Variants in KLHL30 observed in about 807,000 individuals in gnomAD.
The protein encoded by KLHL30 is kelch like family member 30, also known as kelch-like protein 30.
KLHL30 carries 55 observed loss-of-function variants against 55.0 expected under a neutral mutation model. That is an observed-to-expected ratio of 1.00 (90% CI 0.80 to 1.25). The LOEUF (loss-of-function observed/expected upper bound fraction) is 1.25, where lower values mean the gene tolerates loss of function less well. Ranked by LOEUF, KLHL30 falls within the 50% of genes most tolerant of loss-of-function variation. The pLI, the probability that KLHL30 is intolerant of heterozygous loss-of-function variation, is 0.00. For missense variants in KLHL30, 786 were observed against 811.6 expected (o/e 0.97, Z 0.38); for synonymous variants, 356 against 372.6 (o/e 0.96, Z 0.51).
chr2:238,141,237 C>T lies in KLHL30; in HGVS notation c.483C>T (p.Asn161=). The T allele has an allele frequency of 1.9e-6, 3 of 1,608,626 alleles. No homozygotes were observed. The highest frequency in any genetic ancestry group is 1.7e-6 in the Non-Finnish European group (2 of 1,179,632). Residue 161 remains asparagine (N), a synonymous_variant, in exon 2 of 8, where the codon AAC becomes AAT. Coordinates refer to ENST00000409223, the MANE Select transcript of KLHL30 (RefSeq NM_198582.4). ...AGGCCTGGGCCTTCCTGCGAGAGAA[C>T]TTTGAGGCTGTGGCACGTGAGGACG... ...AAKAWAFLRE[N]FEAVAREDEF...
chr2:238,140,557 A>T, intron 1 of KLHL30, 128 bp from the exon 2 acceptor site: 1 of 557,406 alleles, frequency 1.8e-6, no homozygotes, highest in Non-Finnish European at 3.1e-6. Context: ...GGGTAAAGTG[A>T]CTGGCATATG....
intron 4 of KLHL30, 139 bp from the exon 5 acceptor site, chr2:238,145,538 A>G: frequency 1.1e-6 from 1 of 946,348 alleles, no homozygotes; most frequent in Non-Finnish European, 1.6e-6. Context: ...CGGCTGCGCT[A>G]CCCTGGTCCC....
At chr2:238,144,432 A>AAGGAAGGAAGGCAGGCAGGCAGGCAGGC (rs1692608040) in intron 3 of KLHL30, among the ~76,000 whole-genome samples, 1 of 82,376 alleles carries the variant, frequency 1.2e-5, no homozygotes, top group African/African-American at 4.6e-5. Context: ...GGAAGGAAGG[A>AAGGAAGGAAGGCAGGCAGGCAGGCAGGC]AGGCAGGCAG....
chr2:238,148,108 G>A, intron 6 of KLHL30, 86 bp downstream of exon 6: 1 of 1,241,544 alleles, frequency 8.1e-7, no homozygotes, highest in Non-Finnish European at 1.1e-6. Context: ...TGAGGATTGG[G>A]GCTCCTGAGG....
chr2:238,147,475 G>T lies in KLHL30; in HGVS notation c.1151-359G>T, dbSNP rs1027881665. Reference sequence around the variant, plus strand: ...GGGTCTCGCAACCCGCCCTCCCAGGGCTGGCATCCTCCATTCCAGTTCAGA... The same window carrying T: ...GGGTCTCGCAACCCGCCCTCCCAGGTCTGGCATCCTCCATTCCAGTTCAGA... On this transcript the variant is annotated intron_variant, in intron 5 of 7. Coordinates refer to ENST00000409223, the MANE Select transcript of KLHL30 (RefSeq NM_198582.4). The surrounding 1 kb of genome is among the most constrained non-coding windows in gnomAD (Gnocchi z 5.8). Among the ~76,000 whole-genome samples the T allele has an allele frequency of 6.6e-6, 1 of 152,028 alleles. No individual in the cohort carries two copies. Among genetic ancestry groups the T allele is most frequent in the Non-Finnish European group, 1.5e-5 (1 of 67,958 alleles).
rs1692749094 is a variant in KLHL30, at chr2:238,151,105, C to T, written c.*40C>T. On this transcript the variant is annotated 3_prime_UTR_variant, in exon 8 of 8. Transcript: ENST00000409223. ...CCCCGGGGAGGAGTCCCCACAGCGG[C>T]CCCTCATCAGCCTGTGGAACGGCCC... 1 of 1,553,250 alleles carries T rather than the reference C, an allele frequency of 6.4e-7. No homozygotes were observed. The highest frequency in any genetic ancestry group is 8.7e-7 in the Non-Finnish European group (1 of 1,146,928).
Position 238,152,094 on chromosome 2 carries a change from C to A in KLHL30, c.*1029C>A. ...CGTGTCCCTCCTGTCACAGGCTCCG[C>A]CCTGGGACATGGGGCTAGAAGTCAG... On this transcript the variant is annotated 3_prime_UTR_variant, in exon 8 of 8. Transcript: ENST00000409223. 1 of 985,510 alleles carries A rather than the reference C, an allele frequency of 1.0e-6. No individual in the cohort carries two copies. The highest frequency in any genetic ancestry group is 1.1e-4 in the East Asian group (1 of 8,802). The allele number at this position is 985,510 out of a possible 1,614,324, so 61.0% of individuals were successfully genotyped here.
At chr2:238,140,442 A>G (rs2106310161) in intron 1 of KLHL30, among the ~76,000 whole-genome samples, 1 of 152,250 alleles carries the variant, frequency 6.6e-6, no homozygotes, top group South Asian at 2.1e-4. Flanking sequence ...ATGCCTGGCC[A>G]TGGGTAGGTC....
intron 1 of KLHL30, among the ~76,000 whole-genome samples, 177 bp downstream of exon 1, chr2:238,138,935 G>C (rs1274621896): frequency 6.6e-6 from 1 of 152,186 alleles, no homozygotes; most frequent in Non-Finnish European, 1.5e-5. Flanking sequence ...GGGGGCTCAG[G>C]AGACAGGTTT....
chr2:238,144,826 C>T, intron 3 of KLHL30, 76 bp from the exon 4 acceptor site: 4 of 1,088,356 alleles, frequency 3.7e-6, no homozygotes, highest in Admixed American at 2.0e-5. Flanking sequence ...TGGAAAGGCA[C>T]CTGGGAAGGG....
At chr2:238,145,921 C>A (rs1692640637) in intron 5 of KLHL30, 89 bp downstream of exon 5, 2 of 1,360,852 alleles carry the variant, frequency 1.5e-6, no homozygotes, top group East Asian at 2.6e-5. Flanking sequence ...ATGCTGGCCT[C>A]GGAGACCACG....
chr2:238,141,022 T>G lies in KLHL30; in HGVS notation c.268T>G (p.Phe90Val), dbSNP rs757227469. 14 of 1,612,312 alleles carry G rather than the reference T, an allele frequency of 8.7e-6. No individual in the cohort carries two copies. The highest frequency in any genetic ancestry group is 4.4e-5 in the South Asian group (4 of 91,082). Residue 90 changes from phenylalanine to valine, a missense_variant, in exon 2 of 8, where the codon TTC becomes GTC. Phe to Val is a conservative substitution (Grantham distance 50). Coordinates refer to ENST00000409223, the MANE Select transcript of KLHL30 (RefSeq NM_198582.4). ...CGCCGTGGTGGGACAACTGGTGGAC[T>G]TCGTGTACACAGGCCGGCTGACCAT... ...EPAVVGQLVD[F>V]VYTGRLTITQ...
chr2:238,145,526 C>A, intron 4 of KLHL30, 151 bp from the exon 5 acceptor site: 1 of 818,596 alleles, frequency 1.2e-6, no homozygotes, highest in Non-Finnish European at 2.0e-6. Context: ...AGTCACACAG[C>A]TCGGCTGCGC....
chr2:238,149,146 G>A lies in KLHL30; in HGVS notation c.1479G>A (p.Trp493Ter), dbSNP rs1382190274. The A allele has an allele frequency of 6.2e-7, 1 of 1,612,668 alleles. No individual in the cohort carries two copies. The highest frequency in any genetic ancestry group is 1.7e-5 in the Admixed American group (1 of 60,018). ...TGTACGACCCCGGGGCCAACCTGTG[G>A]CAGAAGGTGGGCCGCCCCCTCCCCC... ...VYVYDPGANL[W>*]QKVQSQHSLH... Residue 493 changes from tryptophan (W) to a stop codon, truncating the protein, a stop_gained, in exon 7 of 8, where the codon TGG becomes TGA. Transcript: ENST00000409223. LOFTEE classifies it high-confidence loss of function.
chr2:238,140,828 G>T lies in KLHL30; in HGVS notation c.74G>T (p.Arg25Leu), dbSNP rs1401458710. The T allele has an allele frequency of 1.9e-6, 3 of 1,607,774 alleles. No homozygotes were observed. Among genetic ancestry groups the T allele is most frequent in the Admixed American group, 1.7e-5 (1 of 59,704 alleles). ...HAQDMLDGLQ[R>L]LRSQPKLADV... is the part of the protein sequence containing the mutation. ...CAGGACATGCTGGATGGCCTGCAGCGCCTGCGCTCTCAGCCCAAGCTGGCC... is the reference window on the plus strand; with the variant it reads ...CAGGACATGCTGGATGGCCTGCAGCTCCTGCGCTCTCAGCCCAAGCTGGCC... Residue 25 changes from arginine to leucine, a missense_variant, in exon 2 of 8, where the codon CGC becomes CTC. Physicochemically the swap from Arg to Leu is moderately radical, Grantham distance 102. Coordinates refer to ENST00000409223, the MANE Select transcript of KLHL30 (RefSeq NM_198582.4).
At chr2:238,146,829 G>A (rs1377216453) in intron 5 of KLHL30, among the ~76,000 whole-genome samples, 1 of 151,816 alleles carries the variant, frequency 6.6e-6, no homozygotes, top group Non-Finnish European at 1.5e-5. Flanking sequence ...AGACCAGCCT[G>A]GCCAACATGG....
In KLHL30 at chr2:238,140,994, G is replaced by A; in HGVS notation, c.240G>A (p.Glu80=). 1 of 1,612,488 alleles carries A rather than the reference G, an allele frequency of 6.2e-7. No individual in the cohort carries two copies. Reference sequence around the variant, plus strand: ...CGCGCGTGGAGCTGCGGGACGTGGAGCCCGCCGTGGTGGGACAACTGGTGG... The same window carrying A: ...CGCGCGTGGAGCTGCGGGACGTGGAACCCGCCGTGGTGGGACAACTGGTGG... ...FSARVELRDV[E]PAVVGQLVDF... The change falls in exon 2 of 8, where the codon GAG becomes GAA. Residue 80 remains glutamate, a synonymous_variant. Coordinates refer to ENST00000409223, the MANE Select transcript of KLHL30 (RefSeq NM_198582.4).
intron 6 of KLHL30, 77 bp from the exon 7 acceptor site, chr2:238,148,930 C>T: frequency 7.0e-7 from 1 of 1,419,786 alleles, no homozygotes; most frequent in South Asian, 1.3e-5. Flanking sequence ...AGTCCAGGGT[C>T]CCTCAGAGTG....
In KLHL30 at chr2:238,151,266, T is replaced by C. The variant is rs1692751951; in HGVS notation, c.*201T>C. 3.3e-5 allele frequency: 23 copies of C among 697,542 alleles called. 1 individual carries two copies. In the South Asian group the frequency reaches 4.3e-4, roughly 13 times the overall value. The allele number at this position is 697,542 out of a possible 1,614,324, so 43.2% of individuals were successfully genotyped here. On this transcript the variant is annotated 3_prime_UTR_variant, in exon 8 of 8. Coordinates refer to ENST00000409223, the MANE Select transcript of KLHL30 (RefSeq NM_198582.4). The stretch of plus-strand genomic sequence containing the variant: ...GTGGCCACCACACTAAACTCTGAGC[T>C]GAGCAGTGACAAGGGCCTGAGTGCC...
Sources: gnomAD v4.1 joint callset for allele counts (sites outside exome capture counted in the v4.1 genomes callset) on GRCh38, gnomAD v4.1.1 for gene constraint, Gnocchi (gnomAD v3.1) non-coding constraint, MANE v1.5 for transcripts, NCBI Gene and HGNC (gene_info 2026-07-23, HGNC 2026-07-21) for gene names.